The following WDFY3 variants were observed in gnomAD, a reference collection of about 807,000 sequenced individuals.
The protein encoded by WDFY3 is WD repeat and FYVE domain-containing protein 3.
Under a neutral mutation model 409.6 loss-of-function variants are expected in WDFY3, and 66 were observed. The observed-to-expected ratio is 0.16, with a 90% CI of 0.13 to 0.20. WDFY3 has a LOEUF of 0.20. WDFY3 is among the 10% of genes least tolerant of loss of function. WDFY3 has a pLI of 1.00. For missense variants in WDFY3, 3,031 were observed against 4,298.1 expected (o/e 0.71, Z 8.24); for synonymous variants, 1,521 against 1,537.1 (o/e 0.99, Z 0.25).
At chr4:84,884,249 A>G (rs1007979574) in intron 3 of WDFY3, among the ~76,000 whole-genome samples, 1 of 152,144 alleles carries the variant, frequency 6.6e-6, no homozygotes, top group Non-Finnish European at 1.5e-5. Context: ...ATTACTTAAA[A>G]TATTTCAACT....
intron 2 of WDFY3, among the ~76,000 whole-genome samples, chr4:84,914,652 T>G (rs1371973317): frequency 6.6e-6 from 1 of 152,140 alleles, no homozygotes; most frequent in East Asian, 1.9e-4. Flanking sequence ...ATTTAACACC[T>G]ATTATGATGG....
intron 1 of WDFY3, among the ~76,000 whole-genome samples, chr4:84,945,485 T>C (rs1011843203): frequency 2.6e-5 from 4 of 152,212 alleles, no homozygotes; most frequent in African/African-American, 9.6e-5. Context: ...ATCCAGGAAC[T>C]CACTTCAAAT....
intron 13 of WDFY3, among the ~76,000 whole-genome samples, chr4:84,812,259 G>C (rs149589199): frequency 1.8e-3 from 280 of 152,194 alleles, no homozygotes; most frequent in African/African-American, 6.4e-3. Context: ...AATATAGTTA[G>C]TTTCCCTATC....
chr4:84,821,134 T>C lies in WDFY3; in HGVS notation c.1541A>G (p.His514Arg), dbSNP rs1329607074. ...GLLEVMVNLLHKYAALLKDPT... is the reference protein window; with the variant it reads ...GLLEVMVNLLRKYAALLKDPT... ...ATCCTTCAACAGGGCAGCATATTTA[T>C]GCAAAAGGTTTACCATGACCTCCAA... The change falls in exon 11 of 68, where the codon CAT (histidine) becomes CGT (arginine). Residue 514 changes from histidine (H) to arginine (R), a missense_variant. Around this residue, in one of 16 missense-constraint regions of WDFY3, gnomAD observed 1,322 missense variants for 1,697.9 expected, o/e 0.78. Coordinates refer to ENST00000295888, the MANE Select transcript of WDFY3 (RefSeq NM_014991.6). The C allele has an allele frequency of 4.3e-6, 7 of 1,613,498 alleles. No homozygotes were observed. The highest frequency in any genetic ancestry group is 4.0e-5 in the African/African-American group (3 of 74,908).
At chr4:84,876,605 A>G (rs1762816467) in intron 3 of WDFY3, among the ~76,000 whole-genome samples, 1 of 152,046 alleles carries the variant, frequency 6.6e-6, no homozygotes, top group Non-Finnish European at 1.5e-5. Context: ...ATTAGCAATA[A>G]TTTTCTCAAT....
rs772495819 is a variant in WDFY3, at chr4:84,860,439, C to T, written c.153G>A (p.Leu51=). 6.2e-7 allele frequency: 1 copy of T among 1,614,024 alleles called. No individual in the cohort carries two copies. The highest frequency in any genetic ancestry group is 1.1e-5 in the South Asian group (1 of 91,050). Residue 51 remains leucine (L), a synonymous_variant, in exon 4 of 68, where the codon CTG becomes CTA. Transcript: ENST00000295888. ...TGTTAAACACTGGCAGCATCATATA[C>T]AGTTTCTCTTCTTGTTCCTTCTGAG... ...HMTQKEQEEK[L]YMMLPVFNRV... is the part of the protein sequence containing the mutation.
intron 3 of WDFY3, among the ~76,000 whole-genome samples, chr4:84,864,019 G>A (rs942446963): frequency 7.9e-5 from 12 of 151,964 alleles, no homozygotes; most frequent in Admixed American, 2.6e-4. Flanking sequence ...GACTATTTGG[G>A]TTCTTTTGTG....
rs1725229302 is a variant in WDFY3, at chr4:84,670,009, C to T, written c.*2859G>A. On this transcript the variant is annotated 3_prime_UTR_variant, in exon 68 of 68. Coordinates refer to ENST00000295888, the MANE Select transcript of WDFY3 (RefSeq NM_014991.6). Reference sequence around the variant, plus strand: ...AATATTTTATACACAGTTCATTTACCAAAACAAAATGTATTTAAATGATAC... The same window carrying T: ...AATATTTTATACACAGTTCATTTACTAAAACAAAATGTATTTAAATGATAC... 13 of 152,480 alleles carry T rather than the reference C, an allele frequency of 8.5e-5. No homozygotes were observed. The highest frequency in any genetic ancestry group is 8.5e-4 in the Admixed American group (13 of 15,254). 9.4% of individuals were successfully genotyped at this position (152,480 alleles called of 1,614,324 possible).
At chr4:84,817,948 A>T (rs998445341) in intron 12 of WDFY3, among the ~76,000 whole-genome samples, 1 of 152,166 alleles carries the variant, frequency 6.6e-6, no homozygotes, top group Non-Finnish European at 1.5e-5. Flanking sequence ...AATAAAGGAG[A>T]TTTAAATGAA....
chr4:84,956,921 T>C (rs1229478831), intron 1 of WDFY3, among the ~76,000 whole-genome samples: 1 of 150,726 alleles, frequency 6.6e-6, no homozygotes, highest in Non-Finnish European at 1.5e-5. Flanking sequence ...TTAAGCTAAA[T>C]CATATATTAT....
At chr4:84,954,419 C>T (rs1773987669) in intron 1 of WDFY3, among the ~76,000 whole-genome samples, 1 of 152,044 alleles carries the variant, frequency 6.6e-6, no homozygotes, top group Non-Finnish European at 1.5e-5. Flanking sequence ...TTTTAATGGG[C>T]AATGCCATGG....
intron 13 of WDFY3, 47 bp from the exon 14 acceptor site, chr4:84,810,391 A>G: frequency 7.3e-7 from 1 of 1,373,538 alleles, no homozygotes; most frequent in Non-Finnish European, 9.6e-7. Flanking sequence ...CATAATTCAA[A>G]AAAAAAAAAA....
intron 56 of WDFY3, among the ~76,000 whole-genome samples, chr4:84,697,239 G>A (rs376828683): frequency 2.0e-5 from 3 of 152,206 alleles, no homozygotes; most frequent in East Asian, 1.9e-4. Context: ...ATTTTGCAGG[G>A]TTACTGTCTT....
chr4:84,960,910 C>T (rs1774830860), intron 1 of WDFY3, among the ~76,000 whole-genome samples: 1 of 152,022 alleles, frequency 6.6e-6, no homozygotes, highest in African/African-American at 2.4e-5. Flanking sequence ...ATCCTTTGTC[C>T]ACACTAAAAC....
chr4:84,854,554 G>A (rs1157263238), intron 4 of WDFY3, among the ~76,000 whole-genome samples: 2 of 152,302 alleles, frequency 1.3e-5, no homozygotes, highest in East Asian at 1.9e-4. Flanking sequence ...GCATGAAGCT[G>A]GGTGTCAGAA....
intron 55 of WDFY3, 88 bp from the exon 56 acceptor site, chr4:84,702,594 A>G: frequency 1.7e-6 from 2 of 1,190,390 alleles, no homozygotes; most frequent in Non-Finnish European, 2.2e-6. Context: ...AACTCCAACT[A>G]TAGTTGGTGA....
chr4:84,844,314 ATGAAGACAC>A, intron 5 of WDFY3: 1 of 396,100 alleles, frequency 2.5e-6, no homozygotes, highest in Non-Finnish European at 4.4e-6. Flanking sequence ...TATTTAATTA[ATGAAGACAC>A]GAAGCCCTAA....
At chr4:84,834,780 C>T (rs1197911736) in intron 7 of WDFY3, among the ~76,000 whole-genome samples, 3 of 152,164 alleles carry the variant, frequency 2.0e-5, no homozygotes, top group East Asian at 1.9e-4. Flanking sequence ...AACTGAATGC[C>T]TGCATGAAGC....
chr4:84,829,271 A>G, intron 8 of WDFY3, 81 bp from the exon 9 acceptor site: 1 of 1,150,080 alleles, frequency 8.7e-7, no homozygotes, highest in South Asian at 1.8e-5. Flanking sequence ...CTGTTGTTTA[A>G]TGAAACATTA....
Sources: allele counts gnomAD v4.1 joint callset (sites outside exome capture counted in the v4.1 genomes callset), GRCh38; gene constraint gnomAD v4.1.1; regional missense constraint gnomAD v4.1.1; transcripts MANE v1.5; gene names NCBI Gene and HGNC (gene_info 2026-07-23, HGNC 2026-07-21).